The following HSPA4L variants were observed in gnomAD, a reference collection of about 807,000 sequenced individuals.
HSPA4L encodes heat shock protein family A (Hsp70) member 4 like.
Under a neutral mutation model 100.3 loss-of-function variants are expected in HSPA4L, and 48 were observed. The ratio of observed to expected loss-of-function variants is 0.48; its 90% CI spans 0.38 to 0.61. The LOEUF is 0.61. HSPA4L is among the 20% of genes least tolerant of loss of function. HSPA4L has a pLI of 0.00. For synonymous variants in HSPA4L, 319 were observed against 328.2 expected (o/e 0.97, Z 0.30); for missense variants, 886 against 988.6 (o/e 0.90, Z 1.39).
intron 17 of HSPA4L, among the ~76,000 whole-genome samples, chr4:127,828,997 C>T (rs1444284408): frequency 6.6e-6 from 1 of 152,034 alleles, no homozygotes; most frequent in Non-Finnish European, 1.5e-5. Flanking sequence ...TTTTAATATG[C>T]TTCAATAGTG....
intron 11 of HSPA4L, among the ~76,000 whole-genome samples, chr4:127,810,724 C>T (rs1208076752): frequency 6.6e-6 from 1 of 152,148 alleles, no homozygotes; most frequent in Non-Finnish European, 1.5e-5. Flanking sequence ...TGCCACTGCA[C>T]TACAGCCTGG....
At position 127,822,848 on chromosome 4, in the gene HSPA4L, T is replaced by A. The variant is rs1252579551; in HGVS notation, c.1892T>A (p.Phe631Tyr). The change falls in exon 15 of 19, where the codon TTT (phenylalanine) becomes TAT (tyrosine). Residue 631 changes from phenylalanine (F) to tyrosine (Y), a missense_variant. Coordinates refer to ENST00000296464, the MANE Select transcript of HSPA4L (RefSeq NM_014278.4). ...KNAVEEYVYD[F>Y]RDRLGTVYEK... ...GCCGTTGAAGAATATGTATATGATT[T>A]TAGAGACAGGCTGGGCACTGTCTAT... The A allele has an allele frequency of 4.3e-6, 7 of 1,613,828 alleles. No homozygotes were observed. Among genetic ancestry groups the A allele is most frequent in the Non-Finnish European group, 5.9e-6 (7 of 1,179,808 alleles).
intron 13 of HSPA4L, among the ~76,000 whole-genome samples, chr4:127,819,750 T>C (rs1464900788): frequency 6.6e-6 from 1 of 152,174 alleles, no homozygotes; most frequent in Non-Finnish European, 1.5e-5. Flanking sequence ...TGTGACTGGC[T>C]TTCACCAAAC....
At position 127,836,741 on chromosome 4, in the gene HSPA4L, T is replaced by C. The variant is rs897739166; in HGVS notation, c.*3867T>C. On this transcript the variant is annotated 3_prime_UTR_variant, in exon 19 of 19. Coordinates refer to ENST00000296464, the MANE Select transcript of HSPA4L (RefSeq NM_014278.4). Reference sequence around the variant, plus strand: ...TAACTGATTTTGTTTTCACCCTAAATACATACAACCATTCCTCCACTTTCA... The same window carrying C: ...TAACTGATTTTGTTTTCACCCTAAACACATACAACCATTCCTCCACTTTCA... 1 of 152,164 alleles carries C rather than the reference T, an allele frequency of 6.6e-6. No individual in the cohort carries two copies. The highest frequency in any genetic ancestry group is 1.5e-5 in the Non-Finnish European group (1 of 68,028). 9.4% of individuals were successfully genotyped at this position (152,164 alleles called of 1,614,324 possible).
At chr4:127,809,400 T>C in intron 11 of HSPA4L, 1 of 1,230,456 alleles carries the variant, frequency 8.1e-7, no homozygotes, top group Non-Finnish European at 1.2e-6. Context: ...TGCACATTCA[T>C]TTGGATACTT....
intron 1 of HSPA4L, among the ~76,000 whole-genome samples, chr4:127,790,327 GAGTTATA>G (rs1224492428): frequency 6.6e-6 from 1 of 152,210 alleles, no homozygotes; most frequent in African/African-American, 2.4e-5. Flanking sequence ...GGAGCAAGAT[GAGTTATA>G]AGGTAGGCTG....
At chr4:127,793,200 C>T in intron 1 of HSPA4L, among the ~76,000 whole-genome samples, 1 of 152,294 alleles carries the variant, frequency 6.6e-6, no homozygotes, top group East Asian at 1.9e-4. Flanking sequence ...TCAGGAATGT[C>T]TATTTCTGCA....
intron 16 of HSPA4L, among the ~76,000 whole-genome samples, chr4:127,824,644 C>T (rs540939742): frequency 6.6e-6 from 1 of 152,304 alleles, no homozygotes; most frequent in Non-Finnish European, 1.5e-5. Flanking sequence ...GCTCCTCTGA[C>T]TGTTAACTGT....
chr4:127,822,280 G>T (rs1214804855), intron 14 of HSPA4L, among the ~76,000 whole-genome samples: 3 of 152,126 alleles, frequency 2.0e-5, no homozygotes, highest in Non-Finnish European at 4.4e-5. Context: ...GTCCTTTTGT[G>T]TCTGGCTTAT....
chr4:127,786,772 T>C (rs1732730329), intron 1 of HSPA4L, among the ~76,000 whole-genome samples: 1 of 152,224 alleles, frequency 6.6e-6, no homozygotes, highest in African/African-American at 2.4e-5. Context: ...TGGCCAGTAA[T>C]TCTTTTAAGT....
intron 17 of HSPA4L, among the ~76,000 whole-genome samples, chr4:127,829,764 G>A (rs1734033633): frequency 6.6e-6 from 1 of 151,778 alleles, no homozygotes; most frequent in South Asian, 2.1e-4. Flanking sequence ...AAGAGGTTCA[G>A]GCTAGAGATT....
rs760367499 is a variant in HSPA4L, at chr4:127,798,729, T to C, written c.429+20T>C. 6.2e-7 allele frequency: 1 copy of C among 1,606,974 alleles called. No homozygotes were observed. Reference sequence around the variant, plus strand: ...ATTTCAGTAAGTTTTACTTCAGTAATGAATACCCTTGAATTATATTTTACA... The same window carrying C: ...ATTTCAGTAAGTTTTACTTCAGTAACGAATACCCTTGAATTATATTTTACA... On this transcript the variant is annotated intron_variant, in intron 4 of 18. Transcript: ENST00000296464.
chr4:127,809,426 T>G, intron 11 of HSPA4L: 2 of 1,248,768 alleles, frequency 1.6e-6, no homozygotes, highest in Non-Finnish European at 2.4e-6. Flanking sequence ...CTCAAGACTC[T>G]GCATTTGGGA....
intron 11 of HSPA4L, chr4:127,809,442 A>T: frequency 2.5e-6 from 3 of 1,216,926 alleles, no homozygotes; most frequent in Non-Finnish European, 3.7e-6. Context: ...TGGGAACCTG[A>T]TTCTTCCTGT....
At position 127,806,564 on chromosome 4, in the gene HSPA4L, TA is replaced by T. The variant is rs886317904; in HGVS notation, c.1244+778del. Among the ~76,000 whole-genome samples, 95 of 152,106 alleles carry T rather than the reference TA, an allele frequency of 6.2e-4. No individual in the cohort carries two copies. In the Middle Eastern group the frequency reaches 0.01, roughly 16 times the overall value. On this transcript the variant is annotated intron_variant, in intron 10 of 18. Coordinates refer to ENST00000296464, the MANE Select transcript of HSPA4L (RefSeq NM_014278.4). Reference sequence around the variant, plus strand: ...CTTTTAATTGAACATGCCAATATTTTAAAAAAAGCACTGTTATTAAATTAAT... The same window carrying T: ...CTTTTAATTGAACATGCCAATATTTTAAAAAAGCACTGTTATTAAATTAAT...
In HSPA4L at chr4:127,832,991, T is replaced by C. The variant is rs1463289554; in HGVS notation, c.*117T>C. 4 of 724,498 alleles carry C rather than the reference T, an allele frequency of 5.5e-6. No individual in the cohort carries two copies. The highest frequency in any genetic ancestry group is 3.6e-5 in the African/African-American group (2 of 55,274). 44.9% of individuals were successfully genotyped at this position (724,498 alleles called of 1,614,324 possible). On this transcript the variant is annotated 3_prime_UTR_variant, in exon 19 of 19. Coordinates refer to ENST00000296464, the MANE Select transcript of HSPA4L (RefSeq NM_014278.4). ...TTCTTAACCACTTTTGTCATTTGTT[T>C]TTTGGAGTAGTTTTGAAAAGTGTTT... is the stretch of plus-strand genomic sequence containing the variant.
intron 1 of HSPA4L, among the ~76,000 whole-genome samples, chr4:127,793,245 C>T (rs183270465): frequency 6.6e-6 from 1 of 152,208 alleles, no homozygotes; most frequent in Non-Finnish European, 1.5e-5. Context: ...CCCTCAAGTC[C>T]TAATTCAAGA....
rs1431233645 is a variant in HSPA4L at position 127,839,827 on chromosome 4, T to C, written c.*6953T>C. ...AGACTCACATGAAAAGTGGCTTTTA[T>C]ATTTGGTAGGATAAAGCCATTGTCC... On this transcript the variant is annotated 3_prime_UTR_variant, in exon 19 of 19. Coordinates refer to ENST00000296464, the MANE Select transcript of HSPA4L (RefSeq NM_014278.4). 1 of 152,256 alleles carries C rather than the reference T, an allele frequency of 6.6e-6. No individual in the cohort carries two copies. Among genetic ancestry groups the C allele is most frequent in the Non-Finnish European group, 1.5e-5 (1 of 68,046 alleles). The allele number at this position is 152,256 out of a possible 1,614,324, so 9.4% of individuals were successfully genotyped here. A position where few individuals can be genotyped will look rare whatever the true frequency, so the allele number is the denominator to read the frequency against.
At chr4:127,809,984 A>G (rs1733479221) in intron 11 of HSPA4L, among the ~76,000 whole-genome samples, 1 of 152,146 alleles carries the variant, frequency 6.6e-6, no homozygotes, top group Non-Finnish European at 1.5e-5. Flanking sequence ...ACTCATAACT[A>G]CTTCCCCCTT....
Sources: gnomAD v4.1 joint callset for allele counts (sites outside exome capture counted in the v4.1 genomes callset) on GRCh38, gnomAD v4.1.1 for gene constraint, MANE v1.5 for transcripts, NCBI Gene and HGNC (gene_info 2026-07-23, HGNC 2026-07-21) for gene names.